NRG1: variants seen among roughly 807,000 people sequenced by gnomAD.
NRG1 encodes the protein pro-neuregulin-1, membrane-bound isoform.
NRG1 carries 18 observed loss-of-function variants against 63.8 expected under a neutral mutation model. The ratio of observed to expected loss-of-function variants is 0.28; its 90% CI spans 0.19 to 0.42. NRG1 has a LOEUF of 0.42. Among genes scored for constraint, NRG1 ranks in the 10% least tolerant of loss-of-function variants. NRG1 has a pLI of 1.00. For synonymous variants in NRG1, 302 were observed against 301.3 expected, an observed-to-expected ratio of 1.00 and a Z score of -0.02; for missense variants, 762 against 814.7, an observed-to-expected ratio of 0.94 and a Z score of 0.79.
intron 5 of NRG1, among the ~76,000 whole-genome samples, chr8:32,620,832 AAAAC>A (rs1848218332): frequency 6.6e-6 from 1 of 151,812 alleles, no homozygotes; most frequent in Admixed American, 6.6e-5. Context: ...TCTTAAAATA[AAAAC>A]AAACAAAAAA....
rs554595869 is a variant in NRG1, at chr8:32,410,427, A to G, written c.38-185401A>G. On this transcript the variant is annotated intron_variant, in intron 1 of 10. Coordinates refer to the NRG1 transcript ENST00000519301. Reference sequence around the variant, plus strand: ...AGCGATCTACCCTGCTCAGCCTCCCAAAGTGATGGGATTACAGGTGTGAGT... The same window carrying G: ...AGCGATCTACCCTGCTCAGCCTCCCGAAGTGATGGGATTACAGGTGTGAGT... 4.6e-5 allele frequency among the ~76,000 whole-genome samples: 7 copies of G among 152,048 alleles called. No individual in the cohort carries two copies. The East Asian group carries it at 1.4e-3, about 30-fold the overall frequency.
chr8:32,230,175 C>A (rs931900672), intron 1 of NRG1, among the ~76,000 whole-genome samples: 3 of 152,078 alleles, frequency 2.0e-5, no homozygotes, highest in Non-Finnish European at 4.4e-5. Context: ...ATTACCTATA[C>A]TAAGAGCACG....
intron 1 of NRG1, among the ~76,000 whole-genome samples, chr8:31,907,948 T>C (rs564544723): frequency 3.3e-5 from 5 of 152,288 alleles, no homozygotes; most frequent in African/African-American, 7.2e-5. Context: ...TCTCAACTAA[T>C]GTCTGTTAAT....
intron 1 of NRG1, among the ~76,000 whole-genome samples, chr8:32,003,560 A>C (rs1387608355): frequency 2.0e-5 from 3 of 152,108 alleles, no homozygotes; most frequent in African/African-American, 7.2e-5. Context: ...AAGAGAAGAC[A>C]TTGTAATGTT....
rs1040546676 is a variant in NRG1 at position 31,990,860 on chromosome 8, T to C, written c.37+351429T>C. On this transcript the variant is annotated intron_variant, in intron 1 of 10. Coordinates refer to the NRG1 transcript ENST00000519301. ...GTGTCATGCTTTGTTGCCAAGTCAA[T>C]GAGGAGACAATGTTCACATGGAGAC... Among the ~76,000 whole-genome samples the C allele has an allele frequency of 2.0e-4, 31 of 152,052 alleles. 1 individual carries two copies. Among genetic ancestry groups the C allele is most frequent in the African/African-American group, 6.5e-4 (27 of 41,432 alleles).
chr8:31,830,674 T>C (rs1409836262), intron 1 of NRG1, among the ~76,000 whole-genome samples: 3 of 152,082 alleles, frequency 2.0e-5, no homozygotes, highest in Admixed American at 6.5e-5. Context: ...TGTTCCTAAA[T>C]TGGCCATGAG....
intron 1 of NRG1, chr8:31,639,983 C>T (rs1351339064): frequency 1.8e-6 from 2 of 1,128,622 alleles, no homozygotes; most frequent in Non-Finnish European, 2.2e-6. Context: ...GCACCTCGCA[C>T]CATGAGATGG....
intron 1 of NRG1, among the ~76,000 whole-genome samples, chr8:32,396,453 A>G (rs1045590531): frequency 6.6e-6 from 1 of 152,044 alleles, no homozygotes; most frequent in South Asian, 2.1e-4. Context: ...ACATTTATTT[A>G]TCTATTTATT....
chr8:32,466,485 G>T (rs1823082662), intron 1 of NRG1, among the ~76,000 whole-genome samples: 1 of 151,860 alleles, frequency 6.6e-6, no homozygotes, highest in South Asian at 2.1e-4. Flanking sequence ...GTGACAAAAA[G>T]AAATCACCTA....
chr8:31,806,570 A>G (rs1822307875), intron 1 of NRG1, among the ~76,000 whole-genome samples: 1 of 152,198 alleles, frequency 6.6e-6, no homozygotes, highest in African/African-American at 2.4e-5. Flanking sequence ...ATTTATTTAG[A>G]TAACTGCATT....
intron 1 of NRG1, among the ~76,000 whole-genome samples, chr8:32,392,740 G>A (rs114363817): frequency 0.013 from 1,935 of 152,198 alleles, 41 homozygotes; most frequent in African/African-American, 0.038. Context: ...ACACAGTTTC[G>A]GGCCTCATGA....
chr8:32,548,812 G>A (rs1454997414), exon 1 of NRG1: 2 of 1,572,792 alleles, frequency 1.3e-6, no homozygotes, highest in South Asian at 1.2e-5. Flanking sequence ...TCCGCGGCGG[G>A]CAGCCAGAGC....
At chr8:32,038,251 A>G (rs1819390063) in intron 1 of NRG1, among the ~76,000 whole-genome samples, 1 of 152,200 alleles carries the variant, frequency 6.6e-6, no homozygotes, top group Admixed American at 6.5e-5. Context: ...TGCCGCACGC[A>G]GGCTCCGGGT....
chr8:32,101,927 T>G (rs1393657311), intron 1 of NRG1, among the ~76,000 whole-genome samples: 1 of 152,204 alleles, frequency 6.6e-6, no homozygotes, highest in Non-Finnish European at 1.5e-5. Context: ...AAATCAATTT[T>G]CAGTTGAAAT....
chr8:32,407,316 ATAT>A (rs199792985), intron 1 of NRG1, among the ~76,000 whole-genome samples: 636 of 4,150 alleles, frequency 0.15, 39 homozygotes, highest in South Asian at 0.19. Context: ...ATATATATAT[ATAT>A]TATATATATA....
intron 1 of NRG1, among the ~76,000 whole-genome samples, chr8:31,975,665 TTATC>T (rs1808045894): frequency 6.6e-6 from 1 of 152,180 alleles, no homozygotes; most frequent in African/African-American, 2.4e-5. Flanking sequence ...TAATTATGGT[TTATC>T]TAAAACTTGT....
chr8:32,689,855 A>G (rs1811131017), intron 5 of NRG1, among the ~76,000 whole-genome samples: 1 of 152,186 alleles, frequency 6.6e-6, no homozygotes, highest in Non-Finnish European at 1.5e-5. Flanking sequence ...ATGTCATGAT[A>G]ATGTCCTAGT....
intron 1 of NRG1, among the ~76,000 whole-genome samples, chr8:32,461,835 C>T (rs1231628779): frequency 6.6e-6 from 1 of 152,104 alleles, no homozygotes; most frequent in Non-Finnish European, 1.5e-5. Context: ...TCTAAACCAC[C>T]AAATAGTTCG....
chr8:32,029,049 C>T (rs1817883750), intron 1 of NRG1, among the ~76,000 whole-genome samples: 1 of 152,002 alleles, frequency 6.6e-6, no homozygotes, highest in African/African-American at 2.4e-5. Flanking sequence ...TTGTTAAAAC[C>T]TTCCCCTTCA....
Sources: gnomAD v4.1 joint callset for allele counts (sites outside exome capture counted in the v4.1 genomes callset) on GRCh38, gnomAD v4.1.1 for gene constraint, MANE v1.5 for transcripts, NCBI Gene and HGNC (gene_info 2026-07-23, HGNC 2026-07-21) for gene names.